The following OAS1 variants were observed in gnomAD, a reference collection of about 807,000 sequenced individuals.
OAS1 encodes the protein 2'-5'-oligoadenylate synthase 1.
Under a neutral mutation model 38.5 loss-of-function variants are expected in OAS1, and 24 were observed. That is an observed-to-expected ratio of 0.62 (90% CI 0.45 to 0.88). OAS1 has a LOEUF of 0.88. Ranked by LOEUF, OAS1 falls within the 40% of genes least tolerant of loss-of-function variation. OAS1 has a pLI of 0.00. For missense variants in OAS1, 482 were observed against 493.9 expected (o/e 0.98, Z 0.23); for synonymous variants, 169 against 193.9 (o/e 0.87, Z 1.07).
chr12:112,927,119 C>T (rs1185551185), intron 6 of OAS1, among the ~76,000 whole-genome samples: 3 of 152,194 alleles, frequency 2.0e-5, no homozygotes, highest in Non-Finnish European at 4.4e-5. Flanking sequence ...TTCAAACACA[C>T]ATGCTTTACG....
chr12:112,917,778 T>G lies in OAS1; in HGVS notation c.1038+78T>G, dbSNP rs111604680. 427 of 1,614,096 alleles carry G rather than the reference T, an allele frequency of 2.6e-4. No individual in the cohort carries two copies. In the African/African-American group the frequency reaches 4.7e-3, roughly 18 times the overall value. On this transcript the variant is annotated intron_variant, in intron 5 of 5. Transcript: ENST00000202917. Reference sequence around the variant, plus strand: ...CTTGAGACATATAGCTGGAGACCATTCTTTCCAAAGAACTTACCTCTTGCC... The same window carrying G: ...CTTGAGACATATAGCTGGAGACCATGCTTTCCAAAGAACTTACCTCTTGCC...
At chr12:112,927,722 T>C (rs1593167370) in intron 6 of OAS1, among the ~76,000 whole-genome samples, 1 of 152,122 alleles carries the variant, frequency 6.6e-6, no homozygotes, top group Non-Finnish European at 1.5e-5. Flanking sequence ...GCAATATAAG[T>C]GTCTTTTTCA....
rs753120137 is a variant in OAS1 at position 112,908,550 on chromosome 12, C to T, written c.195C>T (p.Gly65=). 24 of 1,612,526 alleles carry T rather than the reference C, an allele frequency of 1.5e-5. No individual in the cohort carries two copies. Among genetic ancestry groups the T allele is most frequent in the Non-Finnish European group, 2.0e-5 (23 of 1,178,956 alleles). Residue 65 remains glycine (G), a synonymous_variant, in exon 2 of 6, where the codon GGC becomes GGT. Coordinates refer to ENST00000202917, the MANE Select transcript of OAS1 (RefSeq NM_016816.4). Reference sequence around the variant, plus strand: ...GTCTTTTTCAGGGTGGCTCCTCAGGCAAGGGCACCACCCTCAGAGGCCGAT... The same window carrying T: ...GTCTTTTTCAGGGTGGCTCCTCAGGTAAGGGCACCACCCTCAGAGGCCGAT... ...VSKVVKGGSS[G]KGTTLRGRSD...
rs994751580 is a variant in OAS1 at position 112,925,811 on chromosome 12, T to G, written c.1168-6067T>G. Among the ~76,000 whole-genome samples, 3 of 152,114 alleles carry G rather than the reference T, an allele frequency of 2.0e-5. No homozygotes were observed. In the South Asian group the frequency reaches 6.2e-4, roughly 31 times the overall value. ...AGAAATAAGTAAATAAATAAATACA[T>G]AAATAAATTTGGGTGCAATTGTGGC... On this transcript the variant is annotated intron_variant, in intron 6 of 6. Coordinates refer to the OAS1 transcript ENST00000540589.
At chr12:112,911,974 A>G (rs1480322241) in intron 3 of OAS1, among the ~76,000 whole-genome samples, 2 of 152,234 alleles carry the variant, frequency 1.3e-5, no homozygotes, top group Non-Finnish European at 2.9e-5. Flanking sequence ...TTTTACACCA[A>G]GAGAAACTTG....
chr12:112,923,389 A>T (rs1459547375), downstream of OAS1, among the ~76,000 whole-genome samples: 1 of 152,170 alleles, frequency 6.6e-6, no homozygotes, highest in Non-Finnish European at 1.5e-5. Flanking sequence ...TTCATTCTTT[A>T]AAAAATGATA....
intron 2 of OAS1, among the ~76,000 whole-genome samples, 157 bp from the exon 3 acceptor site, chr12:112,910,894 C>A (rs2043367369): frequency 6.6e-6 from 1 of 151,966 alleles, no homozygotes; most frequent in Admixed American, 6.6e-5. Context: ...GTGGAGAGGG[C>A]AGGAGGGAGG....
At chr12:112,921,344 T>C (rs763434141), downstream of OAS1, among the ~76,000 whole-genome samples, 11 of 152,232 alleles carry the variant, frequency 7.2e-5, no homozygotes, top group Non-Finnish European at 1.5e-4. Flanking sequence ...GGCTTCATTG[T>C]ATTTTACTGT....
chr12:112,924,794 A>G (rs2043548952), downstream of OAS1, among the ~76,000 whole-genome samples: 1 of 152,050 alleles, frequency 6.6e-6, no homozygotes, highest in South Asian at 2.1e-4. Flanking sequence ...CTTTTCTTGC[A>G]CAGAAAAAAA....
chr12:112,924,731 G>A (rs1210217874), downstream of OAS1, among the ~76,000 whole-genome samples: 1 of 152,050 alleles, frequency 6.6e-6, no homozygotes, highest in African/African-American at 2.4e-5. Context: ...AGCATTATAG[G>A]TGATCTTTAT....
intron 1 of OAS1, among the ~76,000 whole-genome samples, 173 bp downstream of exon 1, chr12:112,907,392 G>T (rs1439793148): frequency 6.6e-6 from 1 of 152,204 alleles, no homozygotes; most frequent in African/African-American, 2.4e-5. Flanking sequence ...CACACAGCAT[G>T]TTAAAATAGA....
At chr12:112,914,814 T>C (rs1231667831) in intron 3 of OAS1, among the ~76,000 whole-genome samples, 1 of 149,620 alleles carries the variant, frequency 6.7e-6, no homozygotes, top group Non-Finnish European at 1.5e-5. Flanking sequence ...TATGTATACA[T>C]GTGCCATGCT....
At position 112,908,730 on chromosome 12, in the gene OAS1, C is replaced by T; in HGVS notation, c.375C>T (p.Arg125=). ...TGAAGTTTGAGGTCCAGGCTCCACG[C>T]TGGGGCAACCCCCGTGCGCTCAGCT... The part of the protein sequence containing the change: ...FSVKFEVQAP[R]WGNPRALSFV... The change falls in exon 2 of 6, where the codon CGC becomes CGT. Residue 125 remains arginine (R), a synonymous_variant. Transcript: ENST00000202917. 1 of 1,614,158 alleles carries T rather than the reference C, an allele frequency of 6.2e-7. No individual in the cohort carries two copies. Among genetic ancestry groups the T allele is most frequent in the Non-Finnish European group, 8.5e-7 (1 of 1,180,004 alleles).
chr12:112,907,335 G>A (rs1405635986), intron 1 of OAS1, 116 bp downstream of exon 1: 3 of 928,896 alleles, frequency 3.2e-6, no homozygotes, highest in African/African-American at 3.3e-5. Context: ...GTGCAAATGT[G>A]AGTACAGAGA....
chr12:112,925,408 A>T (rs140806778), intron 6 of OAS1, among the ~76,000 whole-genome samples: 418 of 152,212 alleles, frequency 2.7e-3, no homozygotes, highest in Non-Finnish European at 4.3e-3. Context: ...ACTTCCCTTC[A>T]GGCAGATCAA....
Position 112,931,955 on chromosome 12 carries a change from G to A in OAS1, c.*33G>A, listed in dbSNP as rs956523325. 2.3e-5 allele frequency: 16 copies of A among 701,848 alleles called. No individual in the cohort carries two copies. In the East Asian group the frequency reaches 2.4e-4, roughly 11 times the overall value. 43.5% of individuals were successfully genotyped at this position (701,848 alleles called of 1,614,324 possible). On this transcript the variant is annotated 3_prime_UTR_variant, in exon 7 of 7. Coordinates refer to the OAS1 transcript ENST00000540589. ...GCGGTGAATTTGCAACAGACAAGAG[G>A]AGCCTCATTATCCTATAGTTTCCAG...
At chr12:112,914,730 G>GT (rs60578734) in intron 3 of OAS1, among the ~76,000 whole-genome samples, 20,334 of 118,442 alleles carry the variant, frequency 0.17, 1,553 homozygotes, top group South Asian at 0.27. Flanking sequence ...GTTGGTATTT[G>GT]TTTTTTTTTT....
intron 3 of OAS1, among the ~76,000 whole-genome samples, 178 bp from the exon 4 acceptor site, chr12:112,916,331 C>T (rs192595767): frequency 1.3e-5 from 2 of 152,308 alleles, no homozygotes; most frequent in East Asian, 1.9e-4. Flanking sequence ...TGCAACTACT[C>T]AACCCTGCCT....
intron 2 of OAS1, 29 bp downstream of exon 2, chr12:112,908,853 T>C: frequency 6.5e-7 from 1 of 1,538,794 alleles, no homozygotes; most frequent in Non-Finnish European, 8.7e-7. Context: ...TTTTTCTCCC[T>C]CTTCCCATTT....
Sources: gnomAD v4.1 joint callset for allele counts (sites outside exome capture counted in the v4.1 genomes callset) on GRCh38, gnomAD v4.1.1 for gene constraint, MANE v1.5 for transcripts, NCBI Gene and HGNC (gene_info 2026-07-23, HGNC 2026-07-21) for gene names.